Variants in RTN4RL1 observed in about 807,000 individuals in gnomAD.
RTN4RL1 encodes the protein reticulon 4 receptor like 1.
Under a neutral mutation model 25.6 loss-of-function variants are expected in RTN4RL1, and 7 were observed. That is an observed-to-expected ratio of 0.27 (90% CI 0.16 to 0.51). RTN4RL1 has a LOEUF of 0.51. Among genes scored for constraint, RTN4RL1 ranks in the 20% least tolerant of loss-of-function variants. The pLI is 0.97. For missense variants in RTN4RL1, 500 were observed against 615.6 expected, an observed-to-expected ratio of 0.81 and a Z score of 1.99; for synonymous variants, 297 against 288.2, an observed-to-expected ratio of 1.03 and a Z score of -0.31.
chr17:1,977,938 C>G (rs967664440), intron 1 of RTN4RL1, among the ~76,000 whole-genome samples: 2 of 149,952 alleles, frequency 1.3e-5, no homozygotes, highest in African/African-American at 4.9e-5. Flanking sequence ...GCACCCCGCA[C>G]CCTGCACCCT....
intron 1 of RTN4RL1, among the ~76,000 whole-genome samples, chr17:1,943,972 C>A (rs950882218): frequency 6.6e-6 from 1 of 152,072 alleles, no homozygotes; most frequent in Non-Finnish European, 1.5e-5. Flanking sequence ...GTCGCCTGGG[C>A]AGGAGTGCAG....
At chr17:1,979,825 C>G (rs777691768) in intron 1 of RTN4RL1, among the ~76,000 whole-genome samples, 2 of 152,214 alleles carry the variant, frequency 1.3e-5, no homozygotes, top group African/African-American at 4.8e-5. Context: ...TCCTCCTCCC[C>G]CCTTGACTGC....
intron 1 of RTN4RL1, among the ~76,000 whole-genome samples, chr17:1,962,257 T>C (rs559561909): frequency 7.1e-6 from 1 of 141,384 alleles, no homozygotes; most frequent in East Asian, 2.0e-4. Context: ...TTATCCTAGA[T>C]GACAAATCAA....
intron 1 of RTN4RL1, among the ~76,000 whole-genome samples, chr17:2,010,376 C>G (rs889071901): frequency 6.6e-6 from 1 of 152,120 alleles, no homozygotes; most frequent in African/African-American, 2.4e-5. Flanking sequence ...ACTCAGGAGG[C>G]TGAGGCACGA....
Position 2,024,873 on chromosome 17 carries a change from A to T in RTN4RL1, c.-8T>A. 6.3e-7 allele frequency: 1 copy of T among 1,584,192 alleles called. No individual in the cohort carries two copies. Among genetic ancestry groups the T allele is most frequent in the Non-Finnish European group, 8.6e-7 (1 of 1,166,294 alleles). On this transcript the variant is annotated 5_prime_UTR_variant, in exon 1 of 2. Coordinates refer to ENST00000331238, the MANE Select transcript of RTN4RL1 (RefSeq NM_178568.4). ...CTCACCTTTGCGAAGCATGTTGGCC[A>T]CGGGGCCGCCGCTCCGAGGTCGGCC...
At chr17:2,013,835 C>T (rs9748080) in intron 1 of RTN4RL1, among the ~76,000 whole-genome samples, 1 of 145,590 alleles carries the variant, frequency 6.9e-6, no homozygotes, top group Non-Finnish European at 1.5e-5. Context: ...CCCCAGCTCC[C>T]TCACCCTGGA....
intron 1 of RTN4RL1, among the ~76,000 whole-genome samples, chr17:1,941,470 C>T (rs978159178): frequency 2.0e-5 from 3 of 152,018 alleles, no homozygotes; most frequent in African/African-American, 7.2e-5. Flanking sequence ...CTCACATTCC[C>T]GGTCTCAAGG....
rs924235509 is a variant in RTN4RL1 at position 1,994,679 on chromosome 17, A to C, written c.13+30174T>G. On this transcript the variant is annotated intron_variant, in intron 1 of 1. Transcript: ENST00000331238. This position sits in a 1 kb window ranked among gnomAD's most constrained non-coding sequence, Gnocchi z 4.3. ...AGCTCCGCCACTGACAGGCCCGGTG[A>C]CCTCGGTCAACACAAGCAGGCTCTG... 1.1e-4 allele frequency among the ~76,000 whole-genome samples: 17 copies of C among 152,128 alleles called. No homozygotes were observed. The highest frequency in any genetic ancestry group is 2.1e-4 in the Non-Finnish European group (14 of 68,030).
At chr17:1,960,292 C>T (rs935341340) in intron 1 of RTN4RL1, among the ~76,000 whole-genome samples, 1 of 151,934 alleles carries the variant, frequency 6.6e-6, no homozygotes, top group African/African-American at 2.4e-5. Context: ...TCACCACCCA[C>T]AGCCTAAGCA....
chr17:1,980,025 A>T (rs535920261), intron 1 of RTN4RL1, among the ~76,000 whole-genome samples: 2 of 152,214 alleles, frequency 1.3e-5, no homozygotes, highest in East Asian at 3.9e-4. Context: ...TTAAAATCCC[A>T]GCACTCCTAA....
intron 1 of RTN4RL1, among the ~76,000 whole-genome samples, chr17:1,953,120 A>G (rs1164032848): frequency 6.6e-6 from 1 of 151,692 alleles, no homozygotes; most frequent in East Asian, 1.9e-4. Context: ...AAAAAATAAA[A>G]ATTAAGGCGA....
intron 1 of RTN4RL1, chr17:1,995,793 G>A (rs1250845252): frequency 6.6e-6 from 1 of 152,274 alleles, no homozygotes; most frequent in Non-Finnish European, 1.5e-5. Context: ...GATGGCCTAT[G>A]TGCCGAGCAA....
At chr17:1,977,555 G>A (rs1476253431) in intron 1 of RTN4RL1, among the ~76,000 whole-genome samples, 1 of 152,076 alleles carries the variant, frequency 6.6e-6, no homozygotes, top group South Asian at 2.1e-4. Context: ...GGGTGTCTGG[G>A]ACCCAGGAAC....
intron 1 of RTN4RL1, among the ~76,000 whole-genome samples, chr17:1,947,307 A>G (rs934527182): frequency 2.5e-4 from 38 of 152,318 alleles, no homozygotes; most frequent in African/African-American, 8.7e-4. Context: ...GCATGTGTGC[A>G]AATACACAGG....
intron 1 of RTN4RL1, chr17:2,023,497 G>C (rs565389402): frequency 2.6e-5 from 4 of 152,342 alleles, no homozygotes; most frequent in African/African-American, 7.2e-5. Context: ...ATTCCAGGAC[G>C]ACGGGGCAAC....
chr17:1,969,684 T>C (rs2066809496), intron 1 of RTN4RL1, among the ~76,000 whole-genome samples: 1 of 152,244 alleles, frequency 6.6e-6, no homozygotes, highest in South Asian at 2.1e-4. Flanking sequence ...GCTCCCTTGC[T>C]ATAAAAGCTC....
intron 1 of RTN4RL1, among the ~76,000 whole-genome samples, chr17:1,945,768 C>T (rs977674451): frequency 1.3e-5 from 2 of 152,218 alleles, no homozygotes; most frequent in Non-Finnish European, 2.9e-5. Context: ...TCCGTGAGGA[C>T]GGTGGTTTTG....
chr17:2,021,445 A>C (rs1362294316), intron 1 of RTN4RL1, among the ~76,000 whole-genome samples: 1 of 152,040 alleles, frequency 6.6e-6, no homozygotes, highest in African/African-American at 2.4e-5. Flanking sequence ...AACCCTTTTC[A>C]GAATCATAAT....
chr17:1,948,907 C>T (rs1477142536), intron 1 of RTN4RL1, among the ~76,000 whole-genome samples: 2 of 152,100 alleles, frequency 1.3e-5, no homozygotes, highest in East Asian at 3.9e-4. Context: ...ATTCTCCTGC[C>T]TCAGCCTCCT....
Sources: allele counts gnomAD v4.1 joint callset (sites outside exome capture counted in the v4.1 genomes callset), GRCh38; gene constraint gnomAD v4.1.1; non-coding constraint Gnocchi (gnomAD v3.1); transcripts MANE v1.5; gene names NCBI Gene and HGNC (gene_info 2026-07-23, HGNC 2026-07-21).